The following LCA5L variants were observed in gnomAD, a reference collection of about 807,000 sequenced individuals.
LCA5L encodes the protein lebercilin LCA5 like.
A neutral mutation model predicts 45.4 loss-of-function variants in LCA5L; 35 were observed. That is an observed-to-expected ratio of 0.77 (90% CI 0.59 to 1.02). The LOEUF (loss-of-function observed/expected upper bound fraction) is 1.02. Among genes scored for constraint, LCA5L ranks in the 50% least tolerant of loss-of-function variants. The pLI is 0.00. For synonymous variants in LCA5L, 233 were observed against 264.7 expected (o/e 0.88, Z 1.16); for missense variants, 668 against 761.6 (o/e 0.88, Z 1.45).
chr21:39,414,704 G>C (rs2040733060), intron 7 of LCA5L, among the ~76,000 whole-genome samples: 1 of 142,364 alleles, frequency 7.0e-6, no homozygotes. Context: ...GCATCTGTCT[G>C]GTTCTCTCCC....
chr21:39,428,600 T>TATATATATATATATATATTTA (rs61503063), intron 4 of LCA5L, 97 bp from the exon 5 acceptor site: 1 of 20,324 alleles, frequency 4.9e-5, no homozygotes, highest in African/African-American at 2.3e-4. Context: ...ATATATATAT[T>TATATATATATATATATATTTA]TTTTTTTTTT....
intron 7 of LCA5L, among the ~76,000 whole-genome samples, chr21:39,416,963 C>T (rs536753279): frequency 4.6e-5 from 7 of 152,286 alleles, no homozygotes; most frequent in Non-Finnish European, 8.8e-5. Context: ...TTCTGCATCC[C>T]GCGGTTACAA....
chr21:39,417,792 G>A (rs1221489875), intron 7 of LCA5L, among the ~76,000 whole-genome samples: 1 of 151,846 alleles, frequency 6.6e-6, no homozygotes, highest in African/African-American at 2.4e-5. Context: ...TTGAGATGGA[G>A]TCTCGCTCTG....
intron 8 of LCA5L, among the ~76,000 whole-genome samples, 178 bp from the exon 9 acceptor site, chr21:39,410,545 T>C (rs902610817): frequency 1.3e-5 from 2 of 152,242 alleles, no homozygotes; most frequent in Admixed American, 1.3e-4. Flanking sequence ...GGGCCCTTGC[T>C]TTGTCTTACT....
At chr21:39,412,600 G>GCACACACA (rs58572253) in intron 7 of LCA5L, among the ~76,000 whole-genome samples, 1 of 149,518 alleles carries the variant, frequency 6.7e-6, no homozygotes, top group Admixed American at 6.7e-5. Context: ...ACGTGCATGT[G>GCACACACA]CACACACACA....
At chr21:39,411,965 G>A (rs541133417) in intron 7 of LCA5L, among the ~76,000 whole-genome samples, 163 bp from the exon 8 acceptor site, 38 of 152,188 alleles carry the variant, frequency 2.5e-4, no homozygotes, top group Admixed American at 1.8e-3. Context: ...TCCTGACATC[G>A]AAAAGTACTA....
At chr21:39,424,470 G>A (rs1253878539) in intron 5 of LCA5L, among the ~76,000 whole-genome samples, 1 of 152,204 alleles carries the variant, frequency 6.6e-6, no homozygotes, top group Non-Finnish European at 1.5e-5. Flanking sequence ...GACAAAGTGA[G>A]ACCCTGTCTC....
intron 7 of LCA5L, among the ~76,000 whole-genome samples, chr21:39,416,699 T>C (rs1438747281): frequency 1.3e-5 from 2 of 152,148 alleles, no homozygotes; most frequent in Admixed American, 1.3e-4. Flanking sequence ...CAGTTCTCAA[T>C]GACAACACCA....
intron 6 of LCA5L, chr21:39,421,659 A>T (rs1569095853): frequency 6.6e-6 from 1 of 152,224 alleles, no homozygotes; most frequent in African/African-American, 2.4e-5. Flanking sequence ...CTTTGTTTTA[A>T]CATAAAGTAG....
Position 39,407,252 on chromosome 21 carries a change from AAGAAC to A in LCA5L, c.1283-645_1283-641del, listed in dbSNP as rs548604422. Among the ~76,000 whole-genome samples the A allele has an allele frequency of 1.3e-3, 195 of 152,238 alleles. 1 individual carries two copies. The highest frequency in any genetic ancestry group is 3.1e-3 in the Admixed American group (47 of 15,276). ...AACAAAACAAAACAAAACAGAACAG[AAGAAC>A]AGAACAGAACAGAACAGGACACAAT... is the stretch of plus-strand genomic sequence containing the variant. On this transcript the variant is annotated intron_variant, in intron 10 of 10. Coordinates refer to ENST00000288350, the MANE Select transcript of LCA5L (RefSeq NM_152505.4).
intron 3 of LCA5L, among the ~76,000 whole-genome samples, chr21:39,433,927 CTTTTTTTTTTTTT>C: frequency 1.0e-5 from 1 of 95,826 alleles, no homozygotes; most frequent in South Asian, 4.1e-4. Flanking sequence ...CCACATCCAG[CTTTTTTTTTTTTT>C]TTTTTTTTTG....
At chr21:39,412,794 C>T (rs776340074) in intron 7 of LCA5L, among the ~76,000 whole-genome samples, 2 of 152,198 alleles carry the variant, frequency 1.3e-5, no homozygotes, top group South Asian at 2.1e-4. Context: ...GCGCCTCCCC[C>T]GCCGCCCCAT....
chr21:39,441,865 C>T (rs374521364), intron 2 of LCA5L, among the ~76,000 whole-genome samples: 86 of 152,326 alleles, frequency 5.6e-4, no homozygotes, highest in African/African-American at 1.9e-3. Context: ...TTAAAACACA[C>T]GGCGCTTAGT....
intron 7 of LCA5L, among the ~76,000 whole-genome samples, chr21:39,412,600 GCA>G (rs58572253): frequency 1.1e-4 from 17 of 149,406 alleles, no homozygotes; most frequent in South Asian, 8.4e-4. Flanking sequence ...ACGTGCATGT[GCA>G]CACACACACA....
At chr21:39,429,057 G>A (rs2075360237) in intron 4 of LCA5L, 74 bp downstream of exon 4, 2 of 152,178 alleles carry the variant, frequency 1.3e-5, no homozygotes, top group South Asian at 4.1e-4. Context: ...CAAAGCAGAT[G>A]GTTCTGCATT....
At chr21:39,414,308 G>C (rs1183497458) in intron 7 of LCA5L, 4 of 152,222 alleles carry the variant, frequency 2.6e-5, no homozygotes, top group Non-Finnish European at 5.9e-5. Flanking sequence ...ACCGTAGCCT[G>C]GGTGTAAGAC....
chr21:39,405,830 G>C lies in LCA5L; in HGVS notation c.*52C>G, dbSNP rs1487718501. The C allele has an allele frequency of 2.4e-5, 32 of 1,322,112 alleles. No individual in the cohort carries two copies. The highest frequency in any genetic ancestry group is 3.2e-5 in the Non-Finnish European group (31 of 981,730). The allele number at this position is 1,322,112 out of a possible 1,614,324, so 81.9% of individuals were successfully genotyped here. A position where few individuals can be genotyped will look rare whatever the true frequency, so the allele number is the denominator to read the frequency against. ...ACACATTTCAAAAATAAGATGCAAG[G>C]CACATAAGCAGCATTATATCAAACC... On this transcript the variant is annotated 3_prime_UTR_variant, in exon 11 of 11. Transcript: ENST00000288350.
chr21:39,428,324 G>A lies in LCA5L; in HGVS notation c.170C>T (p.Ser57Phe). ...KSVDYSRSQCSCGSLSSQYDY... is the reference protein window; with the variant it reads ...KSVDYSRSQCFCGSLSSQYDY... ...ATACTGAGAACTTAAACTTCCACAGGAGCACTGAGATCTGCTATAATCAAC... is the reference window on the plus strand; with the variant it reads ...ATACTGAGAACTTAAACTTCCACAGAAGCACTGAGATCTGCTATAATCAAC... The change falls in exon 5 of 11, where the codon TCC (serine) becomes TTC (phenylalanine). Residue 57 changes from serine to phenylalanine, a missense_variant. By Grantham distance (155) the Ser-to-Phe change is radical. Coordinates refer to ENST00000288350, the MANE Select transcript of LCA5L (RefSeq NM_152505.4). 1 of 1,613,404 alleles carries A rather than the reference G, an allele frequency of 6.2e-7. No homozygotes were observed. The highest frequency in any genetic ancestry group is 1.7e-5 in the Admixed American group (1 of 59,916).
At chr21:39,421,437 T>C (rs970683076) in intron 6 of LCA5L, 1 of 152,252 alleles carries the variant, frequency 6.6e-6, no homozygotes, top group East Asian at 1.9e-4. Flanking sequence ...ACATCATGGA[T>C]GGGCATTCCC....
Sources: gnomAD v4.1 joint callset for allele counts (sites outside exome capture counted in the v4.1 genomes callset) on GRCh38, gnomAD v4.1.1 for gene constraint, MANE v1.5 for transcripts, NCBI Gene and HGNC (gene_info 2026-07-23, HGNC 2026-07-21) for gene names.